Variants in SCAPER observed in about 807,000 individuals in gnomAD.
SCAPER encodes the protein S-phase cyclin A associated protein in the ER, also known as S phase cyclin A-associated protein in the endoplasmic reticulum.
SCAPER carries 98 observed loss-of-function variants against 182.2 expected under a neutral mutation model. The observed-to-expected ratio is 0.54, with a 90% confidence interval of 0.46 to 0.64. SCAPER has a LOEUF of 0.64. Ranked by LOEUF, SCAPER falls within the 30% of genes least tolerant of loss-of-function variation. The pLI, the probability that SCAPER is intolerant of heterozygous loss-of-function variation, is 0.00. For synonymous variants in SCAPER, 605 were observed against 564.6 expected, an observed-to-expected ratio of 1.07 and a Z score of -1.01; for missense variants, 1,432 against 1,690.0, an observed-to-expected ratio of 0.85 and a Z score of 2.68.
intron 2 of SCAPER, among the ~76,000 whole-genome samples, chr15:76,865,013 A>G (rs2072163375): frequency 6.6e-6 from 1 of 152,214 alleles, no homozygotes; most frequent in African/African-American, 2.4e-5. Context: ...ATGTAAGGAT[A>G]CTATCCTATA....
intron 25 of SCAPER, among the ~76,000 whole-genome samples, chr15:76,458,429 T>G (rs2048911843): frequency 6.6e-6 from 1 of 152,044 alleles, no homozygotes. Context: ...CACACATATA[T>G]ATACACATAT....
At chr15:76,647,347 C>G (rs2054631033) in intron 21 of SCAPER, among the ~76,000 whole-genome samples, 1 of 152,182 alleles carries the variant, frequency 6.6e-6, no homozygotes, top group Non-Finnish European at 1.5e-5. Flanking sequence ...ATTGTCCTTT[C>G]TACTACAAGC....
intron 20 of SCAPER, among the ~76,000 whole-genome samples, chr15:76,695,603 A>T (rs996523639): frequency 2.6e-5 from 4 of 151,826 alleles, no homozygotes; most frequent in African/African-American, 9.7e-5. Flanking sequence ...TCTCAAAAAA[A>T]AAAAAGAAAA....
At chr15:76,530,724 C>T (rs1052933009) in intron 23 of SCAPER, among the ~76,000 whole-genome samples, 3 of 152,048 alleles carry the variant, frequency 2.0e-5, no homozygotes, top group African/African-American at 7.2e-5. Flanking sequence ...TTATCACCAT[C>T]ATATATTAAT....
intron 2 of SCAPER, among the ~76,000 whole-genome samples, chr15:76,869,148 A>C (rs1478822589): frequency 6.6e-6 from 1 of 152,340 alleles, no homozygotes; most frequent in East Asian, 1.9e-4. Context: ...GTAAGACCTG[A>C]AACTATGAAA....
chr15:76,850,859 C>CAAAAAAAAAAAAAA (rs59202490), intron 4 of SCAPER, among the ~76,000 whole-genome samples: 7 of 90,034 alleles, frequency 7.8e-5, no homozygotes, highest in Admixed American at 1.3e-4. Context: ...GACTCTGTCT[C>CAAAAAAAAAAAAAA]AAAAAAAAAA....
chr15:76,604,456 G>T lies in SCAPER; in HGVS notation c.2711+17308C>A. Among the ~76,000 whole-genome samples, 2 of 114,092 alleles carry T rather than the reference G, an allele frequency of 1.8e-5. 1 individual carries two copies. Among genetic ancestry groups the T allele is most frequent in the East Asian group, 4.7e-4 (2 of 4,278 alleles). The allele number at this position is 114,092 out of a possible 152,430, so 74.8% of individuals were successfully genotyped here. A position where few individuals can be genotyped will look rare whatever the true frequency, so the allele number is the denominator to read the frequency against. Reference sequence around the variant, plus strand: ...TGTAGTATAGTTTGAAGTCAGGTAAGCGGGATGCCTCCAGCTTCGTTCTTT... The same window carrying T: ...TGTAGTATAGTTTGAAGTCAGGTAATCGGGATGCCTCCAGCTTCGTTCTTT... On this transcript the variant is annotated intron_variant, in intron 22 of 31. Coordinates refer to ENST00000563290, the MANE Select transcript of SCAPER (RefSeq NM_020843.4).
intron 21 of SCAPER, among the ~76,000 whole-genome samples, chr15:76,650,800 G>A (rs544394900): frequency 9.5e-4 from 145 of 152,128 alleles, no homozygotes; most frequent in African/African-American, 3.3e-3. Context: ...TATTTTTAAA[G>A]GGAATGAAAT....
rs1338494501 is a variant in SCAPER at position 76,609,770 on chromosome 15, A to T, written c.2711+11994T>A. On this transcript the variant is annotated intron_variant, in intron 22 of 31. Transcript: ENST00000563290. ...ATGGTAGTATATCAGCCTTTAGTAAAATCATGGTAAGAGGTGAAAGGAGGG... is the reference window on the plus strand; with the variant it reads ...ATGGTAGTATATCAGCCTTTAGTAATATCATGGTAAGAGGTGAAAGGAGGG... Among the ~76,000 whole-genome samples the T allele has an allele frequency of 2.0e-5, 3 of 152,332 alleles. No homozygotes were observed. In the East Asian group the frequency reaches 5.8e-4, roughly 29 times the overall value.
rs115742689 is a variant in SCAPER, at chr15:76,382,688, C to T, written c.3468-1073G>A. On this transcript the variant is annotated intron_variant, in intron 27 of 31. Transcript: ENST00000563290. ...CCCATTTACTTTGGCTCAAGGGTGCCCAGGCCTAAGGTAAGCCACACATTT... is the reference window on the plus strand; with the variant it reads ...CCCATTTACTTTGGCTCAAGGGTGCTCAGGCCTAAGGTAAGCCACACATTT... Among the ~76,000 whole-genome samples the T allele has an allele frequency of 8.3e-3, 1,267 of 152,210 alleles. 13 individuals carry two copies. The highest frequency in any genetic ancestry group is 0.029 in the African/African-American group (1,203 of 41,536).
intron 23 of SCAPER, among the ~76,000 whole-genome samples, chr15:76,559,319 G>C (rs1333653339): frequency 6.7e-6 from 1 of 149,782 alleles, no homozygotes; most frequent in African/African-American, 2.5e-5. Context: ...GCTTCCCAAA[G>C]TGCTGGGATT....
At chr15:76,563,714 G>C (rs946887894) in intron 23 of SCAPER, among the ~76,000 whole-genome samples, 4 of 152,030 alleles carry the variant, frequency 2.6e-5, no homozygotes, top group Admixed American at 6.6e-5. Context: ...ATACAACAAA[G>C]AAAACTTGAG....
intron 25 of SCAPER, among the ~76,000 whole-genome samples, chr15:76,438,481 A>G (rs2047348942): frequency 6.6e-6 from 1 of 152,184 alleles, no homozygotes; most frequent in South Asian, 2.1e-4. Context: ...TTCTCTGCCT[A>G]CAGCTGACCG....
At chr15:76,505,101 C>T (rs1384928110) in intron 23 of SCAPER, 127 bp from the exon 24 acceptor site, 2 of 702,190 alleles carry the variant, frequency 2.8e-6, no homozygotes, top group East Asian at 5.6e-5. Context: ...TAAATATTTG[C>T]TGAATGCTAC....
chr15:76,819,387 A>C (rs1334715313), intron 5 of SCAPER, among the ~76,000 whole-genome samples: 1 of 152,120 alleles, frequency 6.6e-6, no homozygotes, highest in African/African-American at 2.4e-5. Flanking sequence ...CTGAGACAAA[A>C]CTTCCAGAGG....
chr15:76,714,754 T>C (rs1164635934), intron 17 of SCAPER, among the ~76,000 whole-genome samples: 1 of 152,182 alleles, frequency 6.6e-6, no homozygotes, highest in Non-Finnish European at 1.5e-5. Flanking sequence ...TATGGCTTAC[T>C]CCTCAGGTTA....
intron 27 of SCAPER, among the ~76,000 whole-genome samples, chr15:76,401,801 T>C (rs1015230644): frequency 3.3e-5 from 5 of 152,126 alleles, no homozygotes; most frequent in African/African-American, 1.2e-4. Context: ...TGTGAGGATG[T>C]AGAGAAGAGA....
At chr15:76,530,892 GTGTGTA>G (rs1025814316) in intron 23 of SCAPER, among the ~76,000 whole-genome samples, 37 of 151,562 alleles carry the variant, frequency 2.4e-4, no homozygotes, top group African/African-American at 9.0e-4. Context: ...AGTTATGTTT[GTGTGTA>G]TGTGTATATG....
chr15:76,573,132 A>C (rs1398959874), intron 23 of SCAPER, among the ~76,000 whole-genome samples: 2 of 152,214 alleles, frequency 1.3e-5, no homozygotes, highest in Non-Finnish European at 2.9e-5. Context: ...GGTCAAAGCC[A>C]AGTAACATTA....
Sources: allele counts gnomAD v4.1 joint callset (sites outside exome capture counted in the v4.1 genomes callset), GRCh38; gene constraint gnomAD v4.1.1; transcripts MANE v1.5; gene names NCBI Gene and HGNC (gene_info 2026-07-23, HGNC 2026-07-21).